ABHD12: variants seen among roughly 807,000 people sequenced by gnomAD.
ABHD12 encodes lysophosphatidylserine lipase ABHD12.
In ABHD12, 43 loss-of-function variants were observed where a neutral mutation model predicts 58.3. That is an observed-to-expected ratio of 0.74 (90% CI 0.58 to 0.95). ABHD12 has a LOEUF of 0.95. Among genes scored for constraint, ABHD12 ranks in the 40% least tolerant of loss-of-function variants. The probability of loss-of-function intolerance (pLI) is 0.00; values close to 1 mark genes in which losing one functional copy is unlikely to be tolerated. For missense variants in ABHD12, 539 were observed against 537.2 expected, an observed-to-expected ratio of 1.00 and a Z score of -0.03; for synonymous variants, 219 against 211.2, an observed-to-expected ratio of 1.04 and a Z score of -0.32.
chr20:25,334,499 C>G (rs1479187991), intron 2 of ABHD12, among the ~76,000 whole-genome samples: 4 of 152,188 alleles, frequency 2.6e-5, no homozygotes, highest in Non-Finnish European at 4.4e-5. Flanking sequence ...ATCGCCAAGT[C>G]AATCCTAAGC....
At chr20:25,318,446 G>C (rs985317031) in intron 4 of ABHD12, among the ~76,000 whole-genome samples, 1 of 152,204 alleles carries the variant, frequency 6.6e-6, no homozygotes, top group Non-Finnish European at 1.5e-5. Flanking sequence ...AGCAAAAAAG[G>C]AACAGTTGCT....
At chr20:25,368,594 C>T in intron 1 of ABHD12, 2 of 1,399,974 alleles carry the variant, frequency 1.4e-6, no homozygotes, top group Middle Eastern at 1.8e-4. Flanking sequence ...TACATAAACC[C>T]TGGAATAATT....
chr20:25,340,865 A>G (rs539691019), intron 1 of ABHD12, among the ~76,000 whole-genome samples: 1 of 152,328 alleles, frequency 6.6e-6, no homozygotes, highest in South Asian at 2.1e-4. Context: ...TGCAAGGGCC[A>G]GGAGAGGGTC....
At chr20:25,390,466 G>A (rs1272208489) in intron 1 of ABHD12, 47 bp downstream of exon 1, 1 of 1,281,054 alleles carries the variant, frequency 7.8e-7, no homozygotes, top group African/African-American at 2.1e-5. Context: ...CCTGCGCAAA[G>A]TGAGGGACCG....
chr20:25,316,966 G>A, intron 5 of ABHD12, 82 bp downstream of exon 5: 1 of 1,260,322 alleles, frequency 7.9e-7, no homozygotes, highest in Non-Finnish European at 1.2e-6. Flanking sequence ...TAACTCTCAA[G>A]CTGTGAGTCT....
intron 2 of ABHD12, among the ~76,000 whole-genome samples, chr20:25,331,405 C>A (rs1250564612): frequency 6.6e-6 from 1 of 152,156 alleles, no homozygotes; most frequent in Non-Finnish European, 1.5e-5. Flanking sequence ...AGGAGAACTT[C>A]CCCAATCTAG....
At chr20:25,332,156 C>T (rs1158089522) in intron 2 of ABHD12, among the ~76,000 whole-genome samples, 1 of 151,764 alleles carries the variant, frequency 6.6e-6, no homozygotes, top group East Asian at 1.9e-4. Context: ...GGTTGCAATC[C>T]TAGTCTCTGA....
chr20:25,309,813 G>T (rs759721800), intron 6 of ABHD12, among the ~76,000 whole-genome samples: 1 of 152,144 alleles, frequency 6.6e-6, no homozygotes, highest in Non-Finnish European at 1.5e-5. Flanking sequence ...ACCCTGCCCT[G>T]CCCCTGCTGA....
At chr20:25,368,663 A>C (rs920834894) in intron 1 of ABHD12, 3 of 1,364,938 alleles carry the variant, frequency 2.2e-6, no homozygotes, top group Non-Finnish European at 3.1e-6. Flanking sequence ...AGAGCATGAA[A>C]GTTTTCTGCT....
At chr20:25,302,436 A>G (rs2088654585) in intron 11 of ABHD12, 90 bp from the exon 12 acceptor site, 1 of 1,544,994 alleles carries the variant, frequency 6.5e-7, no homozygotes, top group Non-Finnish European at 8.9e-7. Flanking sequence ...CCCCTTCAAT[A>G]GAAACCAGTC....
chr20:25,383,034 A>C (rs1457744350), intron 1 of ABHD12, among the ~76,000 whole-genome samples: 3 of 152,184 alleles, frequency 2.0e-5, no homozygotes, highest in Non-Finnish European at 4.4e-5. Flanking sequence ...CAAAAGGAAA[A>C]AGGAGATGGA....
At chr20:25,338,639 A>C (rs2089411697) in intron 2 of ABHD12, among the ~76,000 whole-genome samples, 1 of 152,342 alleles carries the variant, frequency 6.6e-6, no homozygotes, top group South Asian at 2.1e-4. Context: ...AGGAGACTAC[A>C]ATACCTACAA....
chr20:25,364,885 G>GC (rs1321150193), intron 1 of ABHD12, among the ~76,000 whole-genome samples: 1 of 152,200 alleles, frequency 6.6e-6, no homozygotes, highest in Non-Finnish European at 1.5e-5. Flanking sequence ...CAGATCAGGG[G>GC]CCCAAGTCCT....
intron 2 of ABHD12, among the ~76,000 whole-genome samples, chr20:25,330,388 G>A (rs1338239016): frequency 3.3e-5 from 5 of 152,246 alleles, no homozygotes; most frequent in African/African-American, 7.2e-5. Flanking sequence ...GGCTTGGGGA[G>A]GGGCGCCCGC....
chr20:25,368,495 T>A (rs1208288155), intron 1 of ABHD12: 3 of 1,535,298 alleles, frequency 2.0e-6, no homozygotes, highest in African/African-American at 2.7e-5. Flanking sequence ...AGGACCTGTA[T>A]GCTTTAGGAT....
intron 1 of ABHD12, among the ~76,000 whole-genome samples, chr20:25,383,954 C>CAAAAA (rs1201588127): frequency 1.7e-4 from 9 of 53,366 alleles, no homozygotes; most frequent in Non-Finnish European, 2.8e-4. Flanking sequence ...GACTCTTTCT[C>CAAAAA]AAAAAAAAAA....
Position 25,309,876 on chromosome 20 carries a change from C to A in ABHD12, c.620-301G>T, listed in dbSNP as rs2500432. Among the ~76,000 whole-genome samples the A allele has an allele frequency of 0.6, 90,635 of 152,170 alleles. 28,091 individuals carry two copies. The highest frequency in any genetic ancestry group is 0.72 in the African/African-American group (29,735 of 41,534). On this transcript the variant is annotated intron_variant, in intron 6 of 12. Coordinates refer to ENST00000339157, the MANE Select transcript of ABHD12 (RefSeq NM_001042472.3). ...GGTCACTCTAAGTTGGTGAGCTGCA[C>A]ATTTGAATGGCAACTAACAGCAAGC...
intron 2 of ABHD12, among the ~76,000 whole-genome samples, chr20:25,323,896 G>C (rs181053434): frequency 6.6e-6 from 1 of 152,248 alleles, no homozygotes; most frequent in Non-Finnish European, 1.5e-5. Context: ...AGGGGATGGC[G>C]CTGCAGGACC....
chr20:25,363,670 C>T (rs2089782849), intron 1 of ABHD12, among the ~76,000 whole-genome samples: 1 of 151,798 alleles, frequency 6.6e-6, no homozygotes, highest in Non-Finnish European at 1.5e-5. Context: ...AGTTTGAGAC[C>T]AGCCTGACCA....
Sources: gnomAD v4.1 joint callset for allele counts (sites outside exome capture counted in the v4.1 genomes callset) on GRCh38, gnomAD v4.1.1 for gene constraint, MANE v1.5 for transcripts, NCBI Gene and HGNC (gene_info 2026-07-23, HGNC 2026-07-21) for gene names.